Variants in PPM1L observed in about 807,000 individuals in gnomAD.
PPM1L encodes protein phosphatase, Mg2+/Mn2+ dependent 1L.
Under a neutral mutation model 31.4 loss-of-function variants are expected in PPM1L, and 13 were observed. The ratio of observed to expected loss-of-function variants is 0.41; its 90% CI spans 0.27 to 0.66. The LOEUF (loss-of-function observed/expected upper bound fraction) is 0.66. PPM1L is among the 30% of genes least tolerant of loss of function. PPM1L has a pLI of 0.29. For missense variants in PPM1L, 326 were observed against 453.7 expected (o/e 0.72, Z 2.56); for synonymous variants, 184 against 175.4 (o/e 1.05, Z -0.39).
rs199600290 is a variant in PPM1L at position 161,003,184 on chromosome 3, T to C, written c.574+41274T>C. ...CGTTATTTCTGAGGGCTCTGTTCTG[T>C]TCCATTGATCTATATGTCTGTTTTG... On this transcript the variant is annotated intron_variant, in intron 2 of 3. Transcript: ENST00000498165. 1.2e-3 allele frequency among the ~76,000 whole-genome samples: 188 copies of C among 152,088 alleles called. 5 individuals are homozygous for C. In the East Asian group the frequency reaches 0.035, roughly 28 times the overall value.
chr3:160,761,980 C>T (rs772924010), intron 1 of PPM1L, among the ~76,000 whole-genome samples: 2 of 152,164 alleles, frequency 1.3e-5, no homozygotes, highest in Non-Finnish European at 2.9e-5. Context: ...TTTGTGAATT[C>T]AAGATGAGAT....
At chr3:160,942,668 G>C (rs1715200713) in intron 1 of PPM1L, among the ~76,000 whole-genome samples, 1 of 152,114 alleles carries the variant, frequency 6.6e-6, no homozygotes, top group Non-Finnish European at 1.5e-5. Flanking sequence ...ATGAGTCTTG[G>C]TCCAAAGAAT....
rs144584011 is a variant in PPM1L, at chr3:161,052,669, C to A, written c.575-12734C>A. 3.3e-5 allele frequency among the ~76,000 whole-genome samples: 5 copies of A among 152,254 alleles called. No individual in the cohort carries two copies. The East Asian group carries it at 9.7e-4, about 29-fold the overall frequency. On this transcript the variant is annotated intron_variant, in intron 2 of 3. Transcript: ENST00000498165. ...GAATTTAATATCTCTAAATATCATC[C>A]TACCAACACATGTATATGTAAATAG...
chr3:161,038,662 A>T (rs900719193), intron 2 of PPM1L, among the ~76,000 whole-genome samples: 2 of 150,700 alleles, frequency 1.3e-5, no homozygotes, highest in Non-Finnish European at 2.9e-5. Context: ...TTGTCAGCAC[A>T]TCTTTTTGGT....
intron 1 of PPM1L, among the ~76,000 whole-genome samples, chr3:160,897,779 C>T (rs1378124396): frequency 6.6e-6 from 1 of 152,244 alleles, no homozygotes; most frequent in Admixed American, 6.5e-5. Context: ...GAGCTAAAAG[C>T]TCCAGTCTAA....
At chr3:160,774,707 A>G (rs1711520492) in intron 1 of PPM1L, among the ~76,000 whole-genome samples, 2 of 152,196 alleles carry the variant, frequency 1.3e-5, no homozygotes, top group African/African-American at 4.8e-5. Flanking sequence ...ACACATAGCC[A>G]TGGGGAAGAG....
intron 1 of PPM1L, among the ~76,000 whole-genome samples, chr3:160,951,277 TC>T (rs1283430811): frequency 6.6e-6 from 1 of 152,204 alleles, no homozygotes; most frequent in Non-Finnish European, 1.5e-5. Flanking sequence ...TACAAACTAT[TC>T]CCCCTGAATC....
At chr3:160,886,954 GA>G (rs1257136222) in intron 1 of PPM1L, among the ~76,000 whole-genome samples, 9 of 152,032 alleles carry the variant, frequency 5.9e-5, no homozygotes, top group African/African-American at 2.2e-4. Flanking sequence ...AAGAAGCTAA[GA>G]ACCTTGATAA....
chr3:160,973,728 A>C (rs1436871980), intron 2 of PPM1L, among the ~76,000 whole-genome samples: 1 of 131,930 alleles, frequency 7.6e-6, no homozygotes, highest in Non-Finnish European at 1.6e-5. Flanking sequence ...AGACACTTTA[A>C]GAATTCATCT....
rs1211020635 is a variant in PPM1L, at chr3:161,074,353, T to G, written c.*5196T>G. On this transcript the variant is annotated 3_prime_UTR_variant, in exon 4 of 4. Coordinates refer to ENST00000498165, the MANE Select transcript of PPM1L (RefSeq NM_139245.4). The stretch of plus-strand genomic sequence containing the variant: ...GTTACTCTTGGCTGCAGAAATAGGT[T>G]TGGGAAGCTATGAGAGATTACCCCA... 1 of 152,204 alleles carries G rather than the reference T, an allele frequency of 6.6e-6. No individual in the cohort carries two copies. The highest frequency in any genetic ancestry group is 1.5e-5 in the Non-Finnish European group (1 of 68,044). 9.4% of individuals were successfully genotyped at this position (152,204 alleles called of 1,614,324 possible).
At chr3:160,923,302 T>C (rs1470126578) in intron 1 of PPM1L, among the ~76,000 whole-genome samples, 1 of 152,222 alleles carries the variant, frequency 6.6e-6, no homozygotes, top group East Asian at 1.9e-4. Flanking sequence ...TCACGTGTTA[T>C]AGAAACCAGT....
chr3:161,012,481 T>G (rs1226633644), intron 2 of PPM1L, among the ~76,000 whole-genome samples: 1 of 151,872 alleles, frequency 6.6e-6, no homozygotes, highest in Non-Finnish European at 1.5e-5. Flanking sequence ...AAAATTCTCT[T>G]TTTTGGTTGT....
At chr3:160,792,908 A>G (rs59936930) in intron 1 of PPM1L, among the ~76,000 whole-genome samples, 3,993 of 152,314 alleles carry the variant, frequency 0.026, 176 homozygotes, top group African/African-American at 0.088. Context: ...ACATTGATAT[A>G]TGATTACCAA....
intron 1 of PPM1L, among the ~76,000 whole-genome samples, chr3:160,785,082 C>G (rs1371516368): frequency 1.3e-5 from 2 of 152,110 alleles, no homozygotes; most frequent in Non-Finnish European, 2.9e-5. Context: ...TTAGTTTTAT[C>G]CAGTCCATTT....
At chr3:160,856,418 A>G (rs530360345) in intron 1 of PPM1L, among the ~76,000 whole-genome samples, 9 of 152,354 alleles carry the variant, frequency 5.9e-5, no homozygotes, top group South Asian at 4.1e-4. Context: ...ATGCCCATCA[A>G]CCATGGACTG....
At position 160,971,148 on chromosome 3, in the gene PPM1L, C is replaced by T. The variant is rs557313838; in HGVS notation, c.574+9238C>T. 2.6e-5 allele frequency among the ~76,000 whole-genome samples: 4 copies of T among 152,270 alleles called. No homozygotes were observed. The South Asian group carries it at 8.3e-4, about 32-fold the overall frequency. On this transcript the variant is annotated intron_variant, in intron 2 of 3. Transcript: ENST00000498165. ...CCATAGTTGTTTGAAAGTACCGAAA[C>T]ATGTAATTTACAAGCCCCAGCCTAG... is the stretch of plus-strand genomic sequence containing the variant.
intron 1 of PPM1L, among the ~76,000 whole-genome samples, chr3:160,848,028 G>T (rs1714135988): frequency 6.6e-6 from 1 of 152,112 alleles, no homozygotes; most frequent in Non-Finnish European, 1.5e-5. Context: ...GATGGTAATG[G>T]ATGTATATTC....
At chr3:160,853,902 A>C (rs1482029561) in intron 1 of PPM1L, among the ~76,000 whole-genome samples, 3 of 151,662 alleles carry the variant, frequency 2.0e-5, no homozygotes, top group Non-Finnish European at 4.4e-5. Context: ...AGAAGAGAGC[A>C]TGTAAGGTCA....
At chr3:160,956,478 A>G (rs1255418769) in intron 1 of PPM1L, among the ~76,000 whole-genome samples, 1 of 152,232 alleles carries the variant, frequency 6.6e-6, no homozygotes, top group African/African-American at 2.4e-5. Context: ...AACATCCTGC[A>G]AGGCAACCTT....
Sources: allele counts gnomAD v4.1 joint callset (sites outside exome capture counted in the v4.1 genomes callset), GRCh38; gene constraint gnomAD v4.1.1; transcripts MANE v1.5; gene names NCBI Gene and HGNC (gene_info 2026-07-23, HGNC 2026-07-21).